CCDC18: variants seen among roughly 807,000 people sequenced by gnomAD.
CCDC18 encodes the protein coiled-coil domain-containing protein 18.
In CCDC18, 157 loss-of-function variants were observed where a neutral mutation model predicts 196.0. The ratio of observed to expected loss-of-function variants is 0.80; its 90% confidence interval spans 0.70 to 0.91. CCDC18 has a LOEUF of 0.91. CCDC18 is among the 40% of genes least tolerant of loss of function. The pLI is 0.00. For missense variants in CCDC18, 1,465 were observed against 1,611.6 expected (o/e 0.91, Z 1.56); for synonymous variants, 482 against 529.2 (o/e 0.91, Z 1.22).
rs777329297 is a variant in CCDC18 at position 93,254,512 on chromosome 1, G to A, written c.3240G>A (p.Gln1080=). 2.8e-5 allele frequency: 45 copies of A among 1,602,030 alleles called. No homozygotes were observed. The highest frequency in any genetic ancestry group is 3.4e-5 in the Non-Finnish European group (40 of 1,172,620). ...ACAAATTACAAAATGCTAAAGAACA[G>A]CTTCGAGAAAAAGAGTTTATAATGC... ...LNDKLQNAKE[Q]LREKEFIMLQ... The change falls in exon 24 of 29, where the codon CAG becomes CAA. Residue 1080 remains glutamine, a synonymous_variant. Transcript: ENST00000690025.
chr1:93,186,319 A>G (rs1192357278), intron 3 of CCDC18, 26 bp from the exon 4 acceptor site: 2 of 1,592,200 alleles, frequency 1.3e-6, no homozygotes, highest in Non-Finnish European at 8.6e-7. Flanking sequence ...AATTGAAAAT[A>G]TATTTGTTCT....
intron 18 of CCDC18, among the ~76,000 whole-genome samples, chr1:93,234,664 CTATTTAA>C (rs1451137429): frequency 7.6e-6 from 1 of 131,106 alleles, no homozygotes; most frequent in African/African-American, 4.0e-5. Flanking sequence ...TCAGATTTCT[CTATTTAA>C]TTAAGAATTG....
intron 18 of CCDC18, among the ~76,000 whole-genome samples, chr1:93,234,258 T>A (rs957864596): frequency 6.6e-6 from 1 of 151,982 alleles, no homozygotes; most frequent in Non-Finnish European, 1.5e-5. Flanking sequence ...GTCTCCCAGG[T>A]TCAAGTGATT....
At chr1:93,215,284 A>C in intron 12 of CCDC18, among the ~76,000 whole-genome samples, 1 of 152,174 alleles carries the variant, frequency 6.6e-6, no homozygotes, top group Middle Eastern at 3.4e-3. Context: ...ATAAATAAAG[A>C]CTTTGGATTA....
chr1:93,229,688 A>G (rs1360705602), intron 17 of CCDC18, among the ~76,000 whole-genome samples: 3 of 152,228 alleles, frequency 2.0e-5, no homozygotes, highest in Admixed American at 2.0e-4. Flanking sequence ...CCTCAGCCAC[A>G]TATTCTTTTC....
At position 93,221,636 on chromosome 1, in the gene CCDC18, C is replaced by T. The variant is rs1455222698; in HGVS notation, c.1990C>T (p.Gln664Ter). 1.3e-6 allele frequency: 2 copies of T among 1,542,686 alleles called. No individual in the cohort carries two copies. The highest frequency in any genetic ancestry group is 1.3e-5 in the South Asian group (1 of 76,674). ...RLEAQLEKKD[Q>*]QFKEQEKTMS... ...TGAAGCTCAACTAGAGAAAAAGGAC[C>T]AACAATTTAAAGAACAAGAAAAGAC... The change falls in exon 15 of 29, where the codon CAA (glutamine) becomes TAA (stop). Residue 664 changes from glutamine (Q) to a stop codon, truncating the protein, a stop_gained. Transcript: ENST00000690025. LOFTEE classifies it high-confidence loss of function.
chr1:93,232,611 A>G lies in CCDC18; in HGVS notation c.2460+18A>G. The G allele has an allele frequency of 6.6e-7, 1 of 1,510,722 alleles. No homozygotes were observed. Among genetic ancestry groups the G allele is most frequent in the African/African-American group, 1.4e-5 (1 of 71,060 alleles). The allele number at this position is 1,510,722 out of a possible 1,614,324, so 93.6% of individuals were successfully genotyped here. On this transcript the variant is annotated intron_variant, in intron 18 of 28. Coordinates refer to ENST00000690025, the MANE Select transcript of CCDC18 (RefSeq NM_001378204.1). Reference sequence around the variant, plus strand: ...AAAAACAGGTATATATTATTAGCCCAAGATTGTTTTATTTGTATGAAATAG... The same window carrying G: ...AAAAACAGGTATATATTATTAGCCCGAGATTGTTTTATTTGTATGAAATAG...
chr1:93,275,113 G>A (rs912521971), intron 28 of CCDC18, among the ~76,000 whole-genome samples: 1 of 151,968 alleles, frequency 6.6e-6, no homozygotes, highest in Admixed American at 6.6e-5. Flanking sequence ...TGAAAGAGAT[G>A]TATTTTTATT....
intron 8 of CCDC18, among the ~76,000 whole-genome samples, chr1:93,206,444 G>T (rs1301139464): frequency 6.6e-6 from 1 of 151,992 alleles, no homozygotes; most frequent in African/African-American, 2.4e-5. Flanking sequence ...AATTAGATAT[G>T]ATTTCTTAAG....
chr1:93,223,843 G>A (rs992758472), intron 16 of CCDC18, among the ~76,000 whole-genome samples: 1 of 151,762 alleles, frequency 6.6e-6, no homozygotes, highest in African/African-American at 2.4e-5. Context: ...GTGCACCTGA[G>A]GAGCTTCTTT....
intron 5 of CCDC18, among the ~76,000 whole-genome samples, chr1:93,192,665 T>C (rs1488556070): frequency 6.6e-6 from 1 of 152,242 alleles, no homozygotes; most frequent in Non-Finnish European, 1.5e-5. Flanking sequence ...CTCAAACTCC[T>C]GGCCTCAAGC....
At position 93,266,483 on chromosome 1, in the gene CCDC18, C is replaced by CA. The variant is rs1397024353; in HGVS notation, c.3885+1588dup. ...GGAGATAGAGACACAAAAAACCCTT[C>CA]AAAAAATCAATGAATCCAGGAGCTG... On this transcript the variant is annotated intron_variant, in intron 27 of 28. Transcript: ENST00000690025. Among the ~76,000 whole-genome samples the CA allele has an allele frequency of 1.6e-4, 25 of 152,068 alleles. 1 individual carries two copies. Among genetic ancestry groups the CA allele is most frequent in the Admixed American group, 1.6e-3 (24 of 15,264 alleles).
chr1:93,196,493 T>C (rs1388430947), intron 6 of CCDC18, among the ~76,000 whole-genome samples: 10 of 152,144 alleles, frequency 6.6e-5, no homozygotes, highest in Admixed American at 6.5e-4. Context: ...ATATAAAGAC[T>C]CTAAACCAGC....
chr1:93,214,630 G>A, intron 11 of CCDC18, 113 bp from the exon 12 acceptor site: 1 of 664,808 alleles, frequency 1.5e-6, no homozygotes, highest in Non-Finnish European at 2.6e-6. Context: ...GTCCCTTTTA[G>A]TACTCTTTAG....
chr1:93,214,878 T>G lies in CCDC18; in HGVS notation c.1631T>G (p.Val544Gly). The G allele has an allele frequency of 6.2e-7, 1 of 1,613,606 alleles. No individual in the cohort carries two copies. The highest frequency in any genetic ancestry group is 1.1e-5 in the South Asian group (1 of 91,040). The change falls in exon 12 of 29, where the codon GTT (valine) becomes GGT (glycine). Residue 544 changes from valine to glycine, a missense_variant. By Grantham distance (109) the Val-to-Gly change is moderately radical (BLOSUM62 -3). Coordinates refer to ENST00000690025, the MANE Select transcript of CCDC18 (RefSeq NM_001378204.1). ...QIEAENSDLK[V>G]NMAHRTSQFQ... ...GAAGCTGAAAATTCTGATTTGAAGG[T>G]TAACATGGCTCACAGAACTAGTCAG... is the stretch of plus-strand genomic sequence containing the variant.
chr1:93,225,561 G>A (rs1658136466), intron 16 of CCDC18, among the ~76,000 whole-genome samples: 1 of 152,146 alleles, frequency 6.6e-6, no homozygotes, highest in Non-Finnish European at 1.5e-5. Context: ...TGGATCACCT[G>A]AGGTCAGGAG....
chr1:93,253,308 CCT>C (rs1332600883), intron 23 of CCDC18, among the ~76,000 whole-genome samples: 1 of 152,120 alleles, frequency 6.6e-6, no homozygotes, highest in Admixed American at 6.5e-5. Context: ...GGAATAGTTC[CCT>C]GTCTGCAGTG....
intron 4 of CCDC18, among the ~76,000 whole-genome samples, chr1:93,187,146 G>A (rs7539307): frequency 0.62 from 93,571 of 151,750 alleles, 29,257 homozygotes; most frequent in South Asian, 0.69. Context: ...AAAATGTCCA[G>A]TAATGGAGAC....
intron 28 of CCDC18, among the ~76,000 whole-genome samples, chr1:93,276,229 AT>A (rs1665615158): frequency 6.6e-6 from 1 of 152,208 alleles, no homozygotes; most frequent in Admixed American, 6.5e-5. Context: ...CCCAAATACT[AT>A]TTTCCTAATG....
Sources: gnomAD v4.1 joint callset for allele counts (sites outside exome capture counted in the v4.1 genomes callset) on GRCh38, gnomAD v4.1.1 for gene constraint, MANE v1.5 for transcripts, NCBI Gene and HGNC (gene_info 2026-07-23, HGNC 2026-07-21) for gene names.